The following ADPRHL1 variants were observed in gnomAD, a reference collection of about 807,000 sequenced individuals.
ADPRHL1 encodes inactive ADP-ribosyltransferase ARH2.
A neutral mutation model predicts 44.1 loss-of-function variants in ADPRHL1; 43 were observed. That is an observed-to-expected ratio of 0.98 (90% CI 0.76 to 1.26). The LOEUF (loss-of-function observed/expected upper bound fraction) is 1.26, where lower values mean the gene tolerates loss of function less well. ADPRHL1 is among the 50% of genes most tolerant of loss of function. The pLI is 0.00. For missense variants in ADPRHL1, 2,022 were observed against 2,496.9 expected (o/e 0.81, Z 4.05); for synonymous variants, 878 against 1,017.4 (o/e 0.86, Z 2.61).
intron 7 of ADPRHL1, among the ~76,000 whole-genome samples, chr13:113,421,755 C>T (rs1188902591): frequency 1.3e-5 from 2 of 152,208 alleles, no homozygotes; most frequent in Non-Finnish European, 2.9e-5. Flanking sequence ...GAAGAAGACG[C>T]CCGTGGGGGT....
chr13:113,407,370 T>C lies in ADPRHL1; in HGVS notation c.1912A>G (p.Thr638Ala), dbSNP rs2043816916. ...CTTGCCTCCGAGTGGCTGATTTTGG[T>C]GCAGTGGGACAGCCAGCTCCTGGGG... ...CGPRSWLSHCTKISHSEARRP... is the reference protein window; with the variant it reads ...CGPRSWLSHCAKISHSEARRP... The change falls in exon 8 of 8, where the codon ACC (threonine) becomes GCC (alanine). Residue 638 changes from threonine to alanine, a missense_variant. By Grantham distance (58) the Thr-to-Ala change is moderately conservative (BLOSUM62 0). Around this residue, in one of 8 missense-constraint regions of ADPRHL1, gnomAD observed 1,221 missense variants for 1,517.8 expected, o/e 0.80. Transcript: ENST00000612156. 1 of 1,232,036 alleles carries C rather than the reference T, an allele frequency of 8.1e-7. No individual in the cohort carries two copies. The highest frequency in any genetic ancestry group is 1.0e-6 in the Non-Finnish European group (1 of 988,054). The allele number at this position is 1,232,036 out of a possible 1,614,324, so 76.3% of individuals were successfully genotyped here. A position where few individuals can be genotyped will look rare whatever the true frequency, so the allele number is the denominator to read the frequency against.
chr13:113,438,521 C>T lies in ADPRHL1; in HGVS notation c.380-4654G>A, dbSNP rs1171945795. 3.3e-5 allele frequency among the ~76,000 whole-genome samples: 5 copies of T among 152,172 alleles called. No individual in the cohort carries two copies. The East Asian group carries it at 9.7e-4, about 29-fold the overall frequency. ...CCAGCCTGGCCAACATAGTGAAACC[C>T]CTGTCTCTACTAAAAATACAAAAAT... On this transcript the variant is annotated intron_variant, in intron 2 of 7. Transcript: ENST00000612156.
At chr13:113,444,300 C>A (rs2044120570) in intron 2 of ADPRHL1, 125 bp downstream of exon 2, 1 of 1,337,794 alleles carries the variant, frequency 7.5e-7, no homozygotes, top group African/African-American at 1.5e-5. Context: ...GACAAAGGGA[C>A]TCTAGGCAGA....
At chr13:113,410,173 G>A in intron 7 of ADPRHL1, 2 of 972,008 alleles carry the variant, frequency 2.1e-6, no homozygotes, top group Non-Finnish European at 2.4e-6. Context: ...GCCGCAGATG[G>A]AACACAGGAC....
chr13:113,407,961 G>T lies in ADPRHL1; in HGVS notation c.1321C>A (p.Arg441=). ...LLQAKFLGTG[R]ERYLKRTREV... ...CTGGTCCTCTTGAGGTAGCGCTCCC[G>T]GCCAGTGCCCAGGAACTTGGCCTGC... The change falls in exon 8 of 8, where the codon CGG becomes AGG. Residue 441 remains arginine (R), a synonymous_variant. Transcript: ENST00000612156. 1 of 1,232,068 alleles carries T rather than the reference G, an allele frequency of 8.1e-7. No individual in the cohort carries two copies. Among genetic ancestry groups the T allele is most frequent in the Non-Finnish European group, 1.0e-6 (1 of 988,004 alleles). 76.3% of individuals were successfully genotyped at this position (1,232,068 alleles called of 1,614,324 possible).
At chr13:113,430,722 G>A (rs184408993) in intron 3 of ADPRHL1, among the ~76,000 whole-genome samples, 7 of 148,276 alleles carry the variant, frequency 4.7e-5, no homozygotes, top group Admixed American at 2.0e-4. Flanking sequence ...CACTAGTGGC[G>A]GGGGTGGCAG....
chr13:113,424,961 C>T (rs75012661), intron 5 of ADPRHL1, 91 bp downstream of exon 5: 1 of 1,496,164 alleles, frequency 6.7e-7, no homozygotes, highest in Non-Finnish European at 9.2e-7. Context: ...CATCCATTCA[C>T]CTACCCACCC....
chr13:113,431,676 A>G (rs900346862), intron 3 of ADPRHL1, among the ~76,000 whole-genome samples: 1 of 152,236 alleles, frequency 6.6e-6, no homozygotes, highest in Non-Finnish European at 1.5e-5. Flanking sequence ...ATTTTTGGTC[A>G]TTATCATAGA....
intron 1 of ADPRHL1, among the ~76,000 whole-genome samples, chr13:113,447,574 T>C (rs2044151374): frequency 7.0e-6 from 1 of 143,482 alleles, no homozygotes; most frequent in South Asian, 2.1e-4. Flanking sequence ...GCACATTGTA[T>C]GTGTATGGTG....
Position 113,404,737 on chromosome 13 carries a change from C to T in ADPRHL1, c.4545G>A (p.Glu1515=). Residue 1515 remains glutamate, a synonymous_variant, in exon 8 of 8, where the codon GAG becomes GAA. Coordinates refer to ENST00000612156, the MANE Select transcript of ADPRHL1 (RefSeq NM_001394807.1). ...QEQAQWQTQI[E]AQGQAQEQAQ... ...CCTGTTCCTGTGCCTGCCCCTGGGC[C>T]TCTATCTGGGTCTGCCACTGGGCCT... 1.6e-6 allele frequency: 2 copies of T among 1,278,302 alleles called. No homozygotes were observed. Among genetic ancestry groups the T allele is most frequent in the Non-Finnish European group, 2.0e-6 (2 of 1,017,956 alleles). The allele number at this position is 1,278,302 out of a possible 1,614,324, so 79.2% of individuals were successfully genotyped here. A position where few individuals can be genotyped will look rare whatever the true frequency, so the allele number is the denominator to read the frequency against.
At chr13:113,433,019 CG>C (rs928842975) in intron 3 of ADPRHL1, among the ~76,000 whole-genome samples, 1 of 152,174 alleles carries the variant, frequency 6.6e-6, no homozygotes, top group Non-Finnish European at 1.5e-5. Context: ...GGGCTGCGGA[CG>C]GGGACAAATC....
chr13:113,446,115 A>G (rs997755558), intron 1 of ADPRHL1, among the ~76,000 whole-genome samples: 3 of 144,764 alleles, frequency 2.1e-5, no homozygotes, highest in Admixed American at 6.9e-5. Flanking sequence ...AGGGCCCCAC[A>G]GCTGCAGGCC....
chr13:113,437,230 C>A (rs1355167522), intron 2 of ADPRHL1, among the ~76,000 whole-genome samples: 1 of 145,326 alleles, frequency 6.9e-6, no homozygotes, highest in African/African-American at 2.5e-5. Flanking sequence ...CACAGGTGTA[C>A]CCCGGGACCC....
chr13:113,413,502 C>T (rs73571491), intron 7 of ADPRHL1, among the ~76,000 whole-genome samples: 3,213 of 152,330 alleles, frequency 0.021, 42 homozygotes, highest in African/African-American at 0.036. Context: ...CGGCGACTCC[C>T]GCGTGGGGCT....
Position 113,404,106 on chromosome 13 carries a change from CCCGAGCCCG to C in ADPRHL1, c.5167_5175del (p.Arg1723_Arg1725del). 1 of 905,270 alleles carries C rather than the reference CCCGAGCCCG, an allele frequency of 1.1e-6. No homozygotes were observed. The allele number at this position is 905,270 out of a possible 1,614,324, so 56.1% of individuals were successfully genotyped here. On this transcript the variant is annotated inframe_deletion, in exon 8 of 8. Coordinates refer to ENST00000612156, the MANE Select transcript of ADPRHL1 (RefSeq NM_001394807.1). ...TCCTGAGCCCCTTTCTGGGCCTGTT[CCCGAGCCCG>C]TTCCTGAGCCCCTTTCTGGGCCTGT... is the stretch of plus-strand genomic sequence containing the variant.
rs2043820246 is a variant in ADPRHL1 at position 113,407,774 on chromosome 13, T to A, written c.1508A>T (p.Lys503Ile). 1 of 1,232,010 alleles carries A rather than the reference T, an allele frequency of 8.1e-7. No homozygotes were observed. Among genetic ancestry groups the A allele is most frequent in the Non-Finnish European group, 1.0e-6 (1 of 988,082 alleles). The allele number at this position is 1,232,010 out of a possible 1,614,324, so 76.3% of individuals were successfully genotyped here. Residue 503 changes from lysine to isoleucine, a missense_variant, in exon 8 of 8, where the codon AAA becomes ATA. Coordinates refer to ENST00000612156, the MANE Select transcript of ADPRHL1 (RefSeq NM_001394807.1). The stretch of plus-strand genomic sequence containing the variant: ...GGCCAAGAATATCTTCAGGATGTTT[T>A]TCACGGTGCTCTTCCCGGCCGGGTG... ...WGHPAGKSTVKNILKIFLAAE... is the reference protein window; with the variant it reads ...WGHPAGKSTVINILKIFLAAE...
In ADPRHL1 at chr13:113,407,713, G is replaced by T; in HGVS notation, c.1569C>A (p.Arg523=). 8.1e-7 allele frequency: 1 copy of T among 1,232,136 alleles called. No homozygotes were observed. Among genetic ancestry groups the T allele is most frequent in the East Asian group, 3.2e-5 (1 of 31,714 alleles). The allele number at this position is 1,232,136 out of a possible 1,614,324, so 76.3% of individuals were successfully genotyped here. The change falls in exon 8 of 8, where the codon CGC becomes CGA. Residue 523 remains arginine (R), a synonymous_variant. Transcript: ENST00000612156. ...EEKEAKEKEA[R]EKPPVERPKA... is the part of the protein sequence containing the mutation. ...TGGGCCGCTCCACAGGGGGCTTCTC[G>T]CGTGCTTCTTTCTCCTTCGCCTCCT...
intron 2 of ADPRHL1, among the ~76,000 whole-genome samples, chr13:113,442,134 T>C (rs904534663): frequency 9.9e-4 from 151 of 152,374 alleles, no homozygotes; most frequent in African/African-American, 3.6e-3. Flanking sequence ...TTTGCCTTCA[T>C]TTCTGAAAGA....
chr13:113,418,546 C>G (rs2043898254), intron 7 of ADPRHL1, among the ~76,000 whole-genome samples: 1 of 152,174 alleles, frequency 6.6e-6, no homozygotes, highest in Admixed American at 6.5e-5. Context: ...ACGGATTCAT[C>G]TAAATCAGCC....
Sources: gnomAD v4.1 joint callset for allele counts (sites outside exome capture counted in the v4.1 genomes callset) on GRCh38, gnomAD v4.1.1 for gene constraint, gnomAD v4.1.1 regional missense constraint, MANE v1.5 for transcripts, NCBI Gene and HGNC (gene_info 2026-07-23, HGNC 2026-07-21) for gene names.